PKP4: variants seen among roughly 807,000 people sequenced by gnomAD.
PKP4 encodes plakophilin 4, also known as plakophilin-4.
PKP4 carries 90 observed loss-of-function variants against 145.1 expected under a neutral mutation model. That is an observed-to-expected ratio of 0.62 (90% CI 0.52 to 0.74). The LOEUF (loss-of-function observed/expected upper bound fraction) is 0.74, where lower values mean the gene tolerates loss of function less well. Among genes scored for constraint, PKP4 ranks in the 30% least tolerant of loss-of-function variants. The probability of loss-of-function intolerance (pLI) is 0.00; values close to 1 mark genes in which losing one functional copy is unlikely to be tolerated. For synonymous variants in PKP4, 563 were observed against 577.2 expected (o/e 0.98, Z 0.35); for missense variants, 1,340 against 1,482.7 (o/e 0.90, Z 1.58).
chr2:158,640,463 T>C (rs1222766066), intron 9 of PKP4, among the ~76,000 whole-genome samples, 164 bp from the exon 10 acceptor site: 2 of 152,250 alleles, frequency 1.3e-5, no homozygotes, highest in African/African-American at 4.8e-5. Flanking sequence ...GGCCTCTGCA[T>C]ATGTTCATCA....
chr2:158,558,644 GAATAAGTGGAGAGCCCTTGA>G (rs1159489281), intron 2 of PKP4, among the ~76,000 whole-genome samples: 5 of 152,150 alleles, frequency 3.3e-5, no homozygotes, highest in South Asian at 2.1e-4. Context: ...AATGAGACCT[GAATAAGTGGAGAGCCCTTGA>G]AATAAGTGTG....
chr2:158,567,774 C>T (rs1274688555), intron 2 of PKP4, among the ~76,000 whole-genome samples: 2 of 152,134 alleles, frequency 1.3e-5, no homozygotes, highest in Non-Finnish European at 2.9e-5. Flanking sequence ...AGGGAGAAGA[C>T]TTAATGAGTT....
chr2:158,529,209 A>T (rs953419741), intron 1 of PKP4, among the ~76,000 whole-genome samples: 1 of 152,210 alleles, frequency 6.6e-6, no homozygotes, highest in Non-Finnish European at 1.5e-5. Flanking sequence ...GATTCCAAAT[A>T]TAAAGACAGT....
chr2:158,492,173 G>T (rs1351390406), intron 1 of PKP4, among the ~76,000 whole-genome samples: 1 of 151,374 alleles, frequency 6.6e-6, no homozygotes, highest in East Asian at 1.9e-4. Context: ...AGTCTACGTT[G>T]TGTCACTGCC....
chr2:158,507,181 G>A (rs1409502219), intron 1 of PKP4, among the ~76,000 whole-genome samples: 1 of 151,970 alleles, frequency 6.6e-6, no homozygotes, highest in African/African-American at 2.4e-5. Flanking sequence ...TTGCAGTGGT[G>A]CAGATATATT....
intron 1 of PKP4, among the ~76,000 whole-genome samples, chr2:158,522,423 T>C (rs534526341): frequency 6.6e-6 from 1 of 150,592 alleles, no homozygotes; most frequent in East Asian, 1.9e-4. Flanking sequence ...TAATCACTGA[T>C]AGTTGAATAT....
At chr2:158,563,649 T>C (rs2046728266) in intron 2 of PKP4, among the ~76,000 whole-genome samples, 2 of 152,180 alleles carry the variant, frequency 1.3e-5, no homozygotes, top group South Asian at 4.1e-4. Context: ...TTGTGTACTT[T>C]TCCAAGTATA....
At chr2:158,639,497 A>C (rs1286464999) in intron 9 of PKP4, among the ~76,000 whole-genome samples, 1 of 152,208 alleles carries the variant, frequency 6.6e-6, no homozygotes. Flanking sequence ...CATTAATTTT[A>C]AAGATAATTT....
chr2:158,587,196 G>A (rs1241162928), intron 3 of PKP4, among the ~76,000 whole-genome samples: 1 of 152,024 alleles, frequency 6.6e-6, no homozygotes, highest in Non-Finnish European at 1.5e-5. Context: ...TGGTTAAAAT[G>A]GAGGCACCTC....
chr2:158,472,796 T>C (rs1235650147), intron 1 of PKP4, among the ~76,000 whole-genome samples: 1 of 152,066 alleles, frequency 6.6e-6, no homozygotes, highest in African/African-American at 2.4e-5. Context: ...AAAAAAAGGC[T>C]ACAGACTATA....
At chr2:158,491,125 G>A (rs559189923) in intron 1 of PKP4, among the ~76,000 whole-genome samples, 1 of 152,260 alleles carries the variant, frequency 6.6e-6, no homozygotes, top group Non-Finnish European at 1.5e-5. Context: ...GACTGCAGTT[G>A]AGTATTTCAT....
chr2:158,472,462 A>C (rs1362408418), intron 1 of PKP4, among the ~76,000 whole-genome samples: 1 of 151,866 alleles, frequency 6.6e-6, no homozygotes, highest in Non-Finnish European at 1.5e-5. Context: ...ATACAAAAAA[A>C]ATTGGCCTAG....
chr2:158,588,782 A>G (rs1419466780), intron 3 of PKP4: 1 of 152,110 alleles, frequency 6.6e-6, no homozygotes, highest in Non-Finnish European at 1.5e-5. Flanking sequence ...CTCAGTTTCT[A>G]TTTCCATATT....
intron 1 of PKP4, among the ~76,000 whole-genome samples, chr2:158,496,925 T>C (rs1012461220): frequency 6.6e-6 from 1 of 152,190 alleles, no homozygotes; most frequent in African/African-American, 2.4e-5. Context: ...TCCTGCACTC[T>C]TGATAAGTTG....
chr2:158,669,785 G>A lies in PKP4; in HGVS notation c.2794G>A (p.Asp932Asn). ...CGGCAATGGCCCCAGTGTCTTGTCT[G>A]ATGAGACCATGGCAGCCATCTGCTG... is the stretch of plus-strand genomic sequence containing the variant. ...PGGNGPSVLS[D>N]ETMAAICCAL... The change falls in exon 17 of 22, where the codon GAT (aspartate) becomes AAT (asparagine). Residue 932 changes from aspartate to asparagine, a missense_variant. Coordinates refer to ENST00000389759, the MANE Select transcript of PKP4 (RefSeq NM_003628.6). 2 of 1,613,648 alleles carry A rather than the reference G, an allele frequency of 1.2e-6. No individual in the cohort carries two copies. The highest frequency in any genetic ancestry group is 3.3e-5 in the Admixed American group (2 of 60,016).
chr2:158,522,888 G>A (rs1447876836), intron 1 of PKP4, among the ~76,000 whole-genome samples: 2 of 152,162 alleles, frequency 1.3e-5, no homozygotes, highest in East Asian at 1.9e-4. Context: ...CTGGAAAATC[G>A]GGTCACTCCC....
At chr2:158,620,907 C>A in intron 4 of PKP4, 83 bp from the exon 5 acceptor site, 5 of 1,151,002 alleles carry the variant, frequency 4.3e-6, no homozygotes, top group Non-Finnish European at 6.5e-6. Context: ...TTCTAAGATG[C>A]TGTTGACAAA....
chr2:158,663,563 C>G lies in PKP4; in HGVS notation c.2577+118C>G, dbSNP rs570917023. ...CCTGATGGTGAAAGGGTCACAGCTA[C>G]TTAGCTTGTGTGTGAAGGGGTTAAA... On this transcript the variant is annotated intron_variant, in intron 15 of 21. Coordinates refer to ENST00000389759, the MANE Select transcript of PKP4 (RefSeq NM_003628.6). The G allele has an allele frequency of 1.8e-5, 15 of 842,812 alleles. 1 individual carries two copies. In the East Asian group the frequency reaches 3.6e-4, roughly 20 times the overall value. The allele number at this position is 842,812 out of a possible 1,614,324, so 52.2% of individuals were successfully genotyped here.
At chr2:158,519,921 A>C (rs1006782205) in intron 1 of PKP4, among the ~76,000 whole-genome samples, 5 of 152,046 alleles carry the variant, frequency 3.3e-5, no homozygotes, top group African/African-American at 9.7e-5. Flanking sequence ...TGAATTTGTC[A>C]TGATTTTCAT....
Sources: allele counts gnomAD v4.1 joint callset (sites outside exome capture counted in the v4.1 genomes callset), GRCh38; gene constraint gnomAD v4.1.1; transcripts MANE v1.5; gene names NCBI Gene and HGNC (gene_info 2026-07-23, HGNC 2026-07-21).